The following TC2N variants were observed in gnomAD, a reference collection of about 807,000 sequenced individuals.
The protein encoded by TC2N is tandem C2 domains, nuclear.
TC2N carries 51 observed loss-of-function variants against 61.9 expected under a neutral mutation model. That is an observed-to-expected ratio of 0.82 (90% CI 0.66 to 1.04). The LOEUF (loss-of-function observed/expected upper bound fraction) is 1.04. Among genes scored for constraint, TC2N ranks in the 50% least tolerant of loss-of-function variants. TC2N has a pLI of 0.00. For synonymous variants in TC2N, 204 were observed against 192.6 expected, an observed-to-expected ratio of 1.06 and a Z score of -0.49; for missense variants, 556 against 566.7, an observed-to-expected ratio of 0.98 and a Z score of 0.19.
At chr14:91,791,571 G>A (rs777658268) in intron 9 of TC2N, among the ~76,000 whole-genome samples, 4 of 151,710 alleles carry the variant, frequency 2.6e-5, no homozygotes, top group Non-Finnish European at 5.9e-5. Context: ...AGCACCATTA[G>A]GTAATAAAGC....
intron 1 of TC2N, among the ~76,000 whole-genome samples, chr14:91,816,492 G>A (rs1353041819): frequency 6.6e-6 from 1 of 151,680 alleles, no homozygotes; most frequent in Admixed American, 6.6e-5. Flanking sequence ...TCCAGTTTTT[G>A]AAGCTCTTTA....
In TC2N at chr14:91,861,914, A is replaced by ATATATATATATATATG. The variant is rs1491182277; in HGVS notation, c.-57+5347_-57+5348insCATATATATATATATA. The stretch of plus-strand genomic sequence containing the variant: ...CAGAGTGAAACCATGTCGTTGGAAA[A>ATATATATATATATATG]TATATATATATATGTATATATATGT... On this transcript the variant is annotated intron_variant, in intron 1 of 11. Coordinates refer to ENST00000435962, the MANE Select transcript of TC2N (RefSeq NM_001128596.3). 5.8e-4 allele frequency among the ~76,000 whole-genome samples: 4 copies of ATATATATATATATATG among 6,946 alleles called. No individual in the cohort carries two copies. In the Admixed American group the frequency reaches 0.015, roughly 26 times the overall value. 4.6% of individuals were successfully genotyped at this position (6,946 alleles called of 152,430 possible).
intron 1 of TC2N, among the ~76,000 whole-genome samples, chr14:91,863,829 CAAAAAAAAAA>C (rs35582740): frequency 1.6e-5 from 1 of 61,032 alleles, no homozygotes; most frequent in South Asian, 6.2e-4. Context: ...TCCATCTCTA[CAAAAAAAAAA>C]AAAAAAAAAG....
intron 1 of TC2N, among the ~76,000 whole-genome samples, chr14:91,828,363 T>A (rs10140190): frequency 6.6e-6 from 1 of 151,852 alleles, no homozygotes; most frequent in Non-Finnish European, 1.5e-5. Context: ...GATATAATTT[T>A]ATCTGTAAAT....
At chr14:91,862,355 A>G (rs1173704605) in intron 1 of TC2N, among the ~76,000 whole-genome samples, 10 of 151,706 alleles carry the variant, frequency 6.6e-5, no homozygotes, top group Admixed American at 2.6e-4. Context: ...AAAAAAAAAA[A>G]AAAGAAAGAG....
chr14:91,801,440 G>C lies in TC2N; in HGVS notation c.469+814C>G, dbSNP rs187457824. ...AGGCCAAGGCAGGAGGATTGCTTCA[G>C]CCCAGGATTTTGAGCCTAACCTGGG... On this transcript the variant is annotated intron_variant, in intron 4 of 11. Transcript: ENST00000435962. Among the ~76,000 whole-genome samples the C allele has an allele frequency of 5.2e-3, 799 of 152,288 alleles. 6 individuals carry two copies. The highest frequency in any genetic ancestry group is 6.7e-3 in the Non-Finnish European group (456 of 68,018).
At chr14:91,838,373 T>C (rs1888104962) in intron 1 of TC2N, among the ~76,000 whole-genome samples, 1 of 152,130 alleles carries the variant, frequency 6.6e-6, no homozygotes, top group African/African-American at 2.4e-5. Flanking sequence ...CTGAAACTCC[T>C]GGCTTCAAGC....
At chr14:91,814,870 C>T (rs1886941469) in intron 1 of TC2N, among the ~76,000 whole-genome samples, 1 of 151,518 alleles carries the variant, frequency 6.6e-6, no homozygotes, top group Non-Finnish European at 1.5e-5. Context: ...ACAAAAATAA[C>T]TATGTCAGGT....
intron 3 of TC2N, among the ~76,000 whole-genome samples, chr14:91,810,909 G>A (rs10145837): frequency 0.024 from 3,611 of 150,912 alleles, 144 homozygotes; most frequent in African/African-American, 0.084. Context: ...AATATCAAAA[G>A]GTTCAACATA....
intron 1 of TC2N, chr14:91,836,354 C>A (rs923331537): frequency 6.6e-6 from 1 of 152,028 alleles, no homozygotes; most frequent in Non-Finnish European, 1.5e-5. Context: ...CGGCGCCGCG[C>A]GGCCGCGGCC....
At chr14:91,785,420 G>T in intron 10 of TC2N, 59 bp from the exon 11 acceptor site, 1 of 1,242,082 alleles carries the variant, frequency 8.1e-7, no homozygotes. Context: ...ATAAAGATGT[G>T]TATATACACA....
intron 1 of TC2N, among the ~76,000 whole-genome samples, chr14:91,854,323 T>C (rs1208544559): frequency 6.6e-6 from 1 of 151,420 alleles, no homozygotes; most frequent in Non-Finnish European, 1.5e-5. Flanking sequence ...CCCATGGGTC[T>C]TAGAAATGTA....
chr14:91,831,562 G>A (rs990666504), intron 1 of TC2N, among the ~76,000 whole-genome samples: 18 of 152,050 alleles, frequency 1.2e-4, no homozygotes, highest in African/African-American at 4.3e-4. Flanking sequence ...GCTTGGAAAC[G>A]ACCACACATG....
chr14:91,838,838 A>G (rs1027881587), intron 1 of TC2N, among the ~76,000 whole-genome samples: 1 of 152,216 alleles, frequency 6.6e-6, no homozygotes, highest in African/African-American at 2.4e-5. Context: ...TTTCCTTGAA[A>G]TGGGCCTCCT....
intron 1 of TC2N, among the ~76,000 whole-genome samples, chr14:91,854,502 AGGAGGT>A (rs1232172028): frequency 1.6e-4 from 14 of 86,746 alleles, no homozygotes; most frequent in African/African-American, 2.8e-4. Flanking sequence ...GAGGAGGAGA[AGGAGGT>A]GGAGGAGGAG....
At chr14:91,850,290 T>C (rs900080213) in intron 1 of TC2N, among the ~76,000 whole-genome samples, 2 of 152,180 alleles carry the variant, frequency 1.3e-5, no homozygotes, top group Admixed American at 6.5e-5. Flanking sequence ...CATCTTTGCA[T>C]TTCTAATGTC....
chr14:91,806,639 A>G (rs1226613483), intron 3 of TC2N, among the ~76,000 whole-genome samples: 4 of 152,220 alleles, frequency 2.6e-5, no homozygotes, highest in Non-Finnish European at 1.5e-5. Context: ...AGAAATTTCT[A>G]AGCAGCAAAG....
At chr14:91,845,570 A>T (rs1419175390) in intron 1 of TC2N, among the ~76,000 whole-genome samples, 1 of 152,240 alleles carries the variant, frequency 6.6e-6, no homozygotes, top group Non-Finnish European at 1.5e-5. Context: ...GGTTACAAGT[A>T]ACAGAAAACC....
intron 1 of TC2N, among the ~76,000 whole-genome samples, chr14:91,826,453 T>C (rs1367535413): frequency 6.6e-6 from 1 of 152,124 alleles, no homozygotes; most frequent in Non-Finnish European, 1.5e-5. Flanking sequence ...TATTTCTCCT[T>C]TTAGTTCTAT....
Sources: allele counts gnomAD v4.1 joint callset (sites outside exome capture counted in the v4.1 genomes callset), GRCh38; gene constraint gnomAD v4.1.1; transcripts MANE v1.5; gene names NCBI Gene and HGNC (gene_info 2026-07-23, HGNC 2026-07-21).